Variants in RBFOX3 observed in about 807,000 individuals in gnomAD.
RBFOX3 encodes RNA binding protein fox-1 homolog 3.
In RBFOX3, 17 loss-of-function variants were observed where a neutral mutation model predicts 48.7. That is an observed-to-expected ratio of 0.35 (90% CI 0.24 to 0.52). The LOEUF (loss-of-function observed/expected upper bound fraction) is 0.52. Ranked by LOEUF, RBFOX3 falls within the 20% of genes least tolerant of loss-of-function variation. RBFOX3 has a pLI of 0.94. For synonymous variants in RBFOX3, 212 were observed against 209.5 expected, an observed-to-expected ratio of 1.01 and a Z score of -0.10; for missense variants, 382 against 497.5, an observed-to-expected ratio of 0.77 and a Z score of 2.21.
intron 1 of RBFOX3, among the ~76,000 whole-genome samples, chr17:79,580,423 C>T (rs2093019436): frequency 6.6e-6 from 1 of 152,048 alleles, no homozygotes; most frequent in Admixed American, 6.6e-5. Context: ...AGCCCCCCAG[C>T]CAGACAGGCA....
intron 2 of RBFOX3, among the ~76,000 whole-genome samples, chr17:79,346,505 G>C (rs142039125): frequency 4.5e-4 from 68 of 152,280 alleles, no homozygotes; most frequent in African/African-American, 1.5e-3. Flanking sequence ...AATTACCATA[G>C]CTTCACAATG....
rs574938326 is a variant in RBFOX3 at position 79,247,395 on chromosome 17, C to T, written c.-73-11590G>A. The stretch of plus-strand genomic sequence containing the variant: ...TGGCACCATCTTGGCTCACAGTAAC[C>T]GCTGCCTCCCAGGTTCAAATGGTTT... On this transcript the variant is annotated intron_variant, in intron 3 of 14. Transcript: ENST00000693108. Among the ~76,000 whole-genome samples, 122 of 146,262 alleles carry T rather than the reference C, an allele frequency of 8.3e-4. 2 individuals carry two copies. In the Middle Eastern group the frequency reaches 0.019, roughly 23 times the overall value.
chr17:79,201,041 T>C (rs1476975510), intron 4 of RBFOX3, among the ~76,000 whole-genome samples: 2 of 151,856 alleles, frequency 1.3e-5, no homozygotes, highest in Non-Finnish European at 2.9e-5. Context: ...CGACTCCTTC[T>C]CTCCTCTCTT....
the RBFOX3 span, among the ~76,000 whole-genome samples, chr17:79,646,794 C>G: frequency 1.3e-5 from 2 of 152,210 alleles, no homozygotes; most frequent in African/African-American, 4.8e-5. Context: ...CGCCAGCACC[C>G]TGACTGTCCC....
intron 4 of RBFOX3, among the ~76,000 whole-genome samples, chr17:79,168,054 T>C (rs146951214): frequency 0.012 from 1,890 of 151,784 alleles, 41 homozygotes; most frequent in African/African-American, 0.043. Context: ...CTGGGGAGGG[T>C]GGTTGGCACT....
intron 5 of RBFOX3, 110 bp from the exon 6 acceptor site, chr17:79,106,898 G>T: frequency 3.0e-6 from 4 of 1,355,476 alleles, no homozygotes; most frequent in Non-Finnish European, 3.9e-6. Flanking sequence ...CACCCTTCTG[G>T]GCCTCTCCCC....
chr17:79,640,571 A>G, the RBFOX3 span, among the ~76,000 whole-genome samples: 2 of 152,218 alleles, frequency 1.3e-5, no homozygotes, highest in Admixed American at 1.3e-4. Flanking sequence ...AAGCTACAGT[A>G]ATCAAAATAT....
At chr17:79,215,406 C>T (rs1600054524) in intron 4 of RBFOX3, among the ~76,000 whole-genome samples, 1 of 152,346 alleles carries the variant, frequency 6.6e-6, no homozygotes, top group Non-Finnish European at 1.5e-5. Context: ...AGACGTGTGG[C>T]CCCTGCTCTG....
At chr17:79,346,333 A>AT (rs941638475) in intron 2 of RBFOX3, among the ~76,000 whole-genome samples, 3 of 151,700 alleles carry the variant, frequency 2.0e-5, no homozygotes, top group Admixed American at 6.6e-5. Context: ...TAACTACACA[A>AT]TTTTTTTTTC....
At chr17:79,548,504 G>A (rs918276453) in intron 1 of RBFOX3, among the ~76,000 whole-genome samples, 1 of 152,266 alleles carries the variant, frequency 6.6e-6, no homozygotes, top group Non-Finnish European at 1.5e-5. Context: ...TATTTCTGCA[G>A]GAAGCGCAGC....
At chr17:79,333,017 A>G (rs1406459066) in intron 2 of RBFOX3, among the ~76,000 whole-genome samples, 1 of 151,134 alleles carries the variant, frequency 6.6e-6, no homozygotes, top group East Asian at 2.0e-4. Flanking sequence ...AGAGAGAGAG[A>G]GATGGGGTGG....
At chr17:79,222,184 TGCAGCCTGATTTCTACCG>T (rs1434073877) in intron 4 of RBFOX3, among the ~76,000 whole-genome samples, 53 of 151,976 alleles carry the variant, frequency 3.5e-4, no homozygotes, top group African/African-American at 1.2e-3. Context: ...GATTTCTACC[TGCAGCCTGATTTCTACCG>T]GCAGCCTGAT....
intron 3 of RBFOX3, among the ~76,000 whole-genome samples, chr17:79,269,386 C>T (rs1286120532): frequency 6.6e-6 from 1 of 152,136 alleles, no homozygotes; most frequent in African/African-American, 2.4e-5. Flanking sequence ...CACACAGACG[C>T]CAGGACTCAA....
At chr17:79,119,631 C>A (rs2147126338) in intron 4 of RBFOX3, among the ~76,000 whole-genome samples, 2 of 152,292 alleles carry the variant, frequency 1.3e-5, no homozygotes, top group East Asian at 3.9e-4. Flanking sequence ...GACTGTCTGT[C>A]CTCTCTGCAC....
chr17:79,601,154 T>C (rs1448075895), intron 1 of RBFOX3: 1 of 152,208 alleles, frequency 6.6e-6, no homozygotes, highest in Non-Finnish European at 1.5e-5. Flanking sequence ...AGGCTCCTGC[T>C]CTCAAGCAGC....
chr17:79,569,204 C>T (rs1320701778), intron 1 of RBFOX3, among the ~76,000 whole-genome samples: 1 of 152,082 alleles, frequency 6.6e-6, no homozygotes, highest in East Asian at 1.9e-4. Context: ...TTTCTATCAC[C>T]CCAAACAGAA....
chr17:79,372,241 G>A (rs1371275771), intron 2 of RBFOX3, among the ~76,000 whole-genome samples: 1 of 151,946 alleles, frequency 6.6e-6, no homozygotes. Flanking sequence ...CTGTCCTATG[G>A]CCTCCCCATA....
intron 1 of RBFOX3, among the ~76,000 whole-genome samples, chr17:79,497,676 G>C (rs1427608997): frequency 6.6e-6 from 1 of 152,148 alleles, no homozygotes; most frequent in African/African-American, 2.4e-5. Context: ...TGGCTGCCTG[G>C]GTAAGGTGCC....
intron 4 of RBFOX3, among the ~76,000 whole-genome samples, chr17:79,116,427 ATCACTTCAACCTGGGAG>A (rs1296198826): frequency 6.7e-6 from 1 of 150,134 alleles, no homozygotes; most frequent in Non-Finnish European, 1.5e-5. Flanking sequence ...AGGCAGGAGA[ATCACTTCAACCTGGGAG>A]GCAGGGGTTG....
Sources: gnomAD v4.1 joint callset for allele counts (sites outside exome capture counted in the v4.1 genomes callset) on GRCh38, gnomAD v4.1.1 for gene constraint, MANE v1.5 for transcripts, NCBI Gene and HGNC (gene_info 2026-07-23, HGNC 2026-07-21) for gene names.